UBE2D2: variants seen among roughly 807,000 people sequenced by gnomAD.
UBE2D2 encodes the protein ubiquitin-conjugating enzyme E2 D2.
In UBE2D2, 2 loss-of-function variants were observed where a neutral mutation model predicts 24.2. The ratio of observed to expected loss-of-function variants is 0.08; its 90% CI spans 0.03 to 0.26. The LOEUF is 0.26. Ranked by LOEUF, UBE2D2 falls within the 10% of genes least tolerant of loss-of-function variation. UBE2D2 has a pLI of 1.00. For synonymous variants in UBE2D2, 58 were observed against 56.5 expected, an observed-to-expected ratio of 1.03 and a Z score of -0.12; for missense variants, 44 against 177.6, an observed-to-expected ratio of 0.25 and a Z score of 4.28.
At chr5:139,566,943 A>G (rs1753237297) in intron 1 of UBE2D2, among the ~76,000 whole-genome samples, 1 of 152,012 alleles carries the variant, frequency 6.6e-6, no homozygotes, top group Non-Finnish European at 1.5e-5. Context: ...ACAACAAAAT[A>G]CGCATTTTTG....
In UBE2D2 at chr5:139,614,933, T is replaced by C; in HGVS notation, c.271T>C (p.Ser91Pro). The change falls in exon 5 of 7, where the codon TCA becomes CCA. Residue 91 changes from serine (S) to proline (P), a missense_variant. Physicochemically the swap from Ser to Pro is moderately conservative, Grantham distance 74 (BLOSUM62 -1). Transcript: ENST00000398733. Reference sequence around the variant, plus strand: ...CAGCATTTGTCTTGATATTCTACGATCACAGTGGTCTCCAGCACTAACTAT... The same window carrying C: ...CAGCATTTGTCTTGATATTCTACGACCACAGTGGTCTCCAGCACTAACTAT... ...NGSICLDILRSQWSPALTISK... is the reference protein window; with the variant it reads ...NGSICLDILRPQWSPALTISK... 6.2e-7 allele frequency: 1 copy of C among 1,614,004 alleles called. No individual in the cohort carries two copies. Among genetic ancestry groups the C allele is most frequent in the Non-Finnish European group, 8.5e-7 (1 of 1,179,958 alleles).
At chr5:139,552,410 C>T (rs1372575971) in intron 1 of UBE2D2, among the ~76,000 whole-genome samples, 1 of 152,044 alleles carries the variant, frequency 6.6e-6, no homozygotes, top group African/African-American at 2.4e-5. Flanking sequence ...TCAGGTGATC[C>T]ACCTGCCTCG....
chr5:139,536,783 C>A (rs1439876979), intron 1 of UBE2D2, among the ~76,000 whole-genome samples: 1 of 152,174 alleles, frequency 6.6e-6, no homozygotes, highest in Admixed American at 6.6e-5. Flanking sequence ...AGCCACCGCA[C>A]CCGGCCCACT....
At chr5:139,527,059 G>C (rs889082369) in intron 1 of UBE2D2, among the ~76,000 whole-genome samples, 5 of 152,002 alleles carry the variant, frequency 3.3e-5, no homozygotes, top group African/African-American at 1.2e-4. Context: ...TGGGAACTAT[G>C]TTAAAAAAAA....
intron 6 of UBE2D2, 86 bp from the exon 7 acceptor site, chr5:139,626,670 C>G: frequency 5.2e-6 from 6 of 1,146,778 alleles, no homozygotes; most frequent in Non-Finnish European, 6.6e-6. Context: ...CTACTCTCTT[C>G]AAGTTACTTG....
chr5:139,613,773 C>T (rs1270250499), intron 2 of UBE2D2, among the ~76,000 whole-genome samples: 2 of 152,028 alleles, frequency 1.3e-5, no homozygotes, highest in African/African-American at 4.8e-5. Flanking sequence ...ACTGTTTTGT[C>T]CCCCGTATAC....
At chr5:139,617,300 G>A (rs540167952) in intron 5 of UBE2D2, among the ~76,000 whole-genome samples, 99 of 151,434 alleles carry the variant, frequency 6.5e-4, no homozygotes, top group Non-Finnish European at 1.0e-3. Context: ...ACATATAAAA[G>A]TATGTTGAGT....
intron 1 of UBE2D2, among the ~76,000 whole-genome samples, chr5:139,595,257 C>T (rs1753935718): frequency 6.6e-6 from 1 of 152,026 alleles, no homozygotes; most frequent in Admixed American, 6.6e-5. Flanking sequence ...TAGATCGATG[C>T]CTTTATTAAA....
At chr5:139,534,250 T>C (rs555562498) in intron 1 of UBE2D2, among the ~76,000 whole-genome samples, 27 of 151,680 alleles carry the variant, frequency 1.8e-4, no homozygotes, top group African/African-American at 6.0e-4. Flanking sequence ...CTGACCAACA[T>C]GGAGAAAACC....
At chr5:139,544,159 T>C (rs1752794695) in intron 1 of UBE2D2, among the ~76,000 whole-genome samples, 1 of 143,140 alleles carries the variant, frequency 7.0e-6, no homozygotes, top group Non-Finnish European at 1.5e-5. Context: ...AGATCTTTTT[T>C]CTTTCTTTCT....
chr5:139,551,043 C>T (rs1398352623), intron 1 of UBE2D2, among the ~76,000 whole-genome samples: 1 of 152,104 alleles, frequency 6.6e-6, no homozygotes, highest in Non-Finnish European at 1.5e-5. Context: ...TCTTATTCTC[C>T]TTTTAGAATA....
chr5:139,609,781 T>G (rs1371102986), intron 2 of UBE2D2, among the ~76,000 whole-genome samples: 8 of 150,636 alleles, frequency 5.3e-5, no homozygotes, highest in East Asian at 3.9e-4. Context: ...GTTTTTTTGT[T>G]TTTTTTTTGA....
intron 1 of UBE2D2, among the ~76,000 whole-genome samples, chr5:139,531,675 T>A (rs1382393208): frequency 1.3e-5 from 2 of 148,758 alleles, no homozygotes; most frequent in African/African-American, 5.0e-5. Context: ...AAGAAAATAA[T>A]GCCTGGCTGG....
chr5:139,593,770 C>T (rs1753903177), intron 1 of UBE2D2, among the ~76,000 whole-genome samples: 1 of 152,068 alleles, frequency 6.6e-6, no homozygotes, highest in African/African-American at 2.4e-5. Context: ...CTCCACCATG[C>T]TGGGCTAATT....
rs1275449045 is a variant in UBE2D2 at position 139,627,536 on chromosome 5, G to GTT, written c.*739_*740dup. 1 of 152,384 alleles carries GTT rather than the reference G, an allele frequency of 6.6e-6. No homozygotes were observed. The highest frequency in any genetic ancestry group is 2.4e-5 in the African/African-American group (1 of 41,350). 9.4% of individuals were successfully genotyped at this position (152,384 alleles called of 1,614,324 possible). A position where few individuals can be genotyped will look rare whatever the true frequency, so the allele number is the denominator to read the frequency against. On this transcript the variant is annotated 3_prime_UTR_variant, in exon 7 of 7. Transcript: ENST00000398733. ...AGCTAATAGCTCTTATTTTTCTTAT[G>GTT]TTTTTAACCGCTTAGGTCTATTTGG...
upstream of UBE2D2, among the ~76,000 whole-genome samples, chr5:139,558,877 T>C (rs1753015284): frequency 6.6e-6 from 1 of 152,000 alleles, no homozygotes; most frequent in Non-Finnish European, 1.5e-5. Context: ...CACGGCTCAC[T>C]GCAGTTTTGA....
chr5:139,575,842 A>AC (rs1753457849), intron 1 of UBE2D2, among the ~76,000 whole-genome samples: 1 of 152,150 alleles, frequency 6.6e-6, no homozygotes, highest in South Asian at 2.1e-4. Context: ...ATTCAGCAAG[A>AC]CCCCTTCTCT....
At chr5:139,546,818 CTT>C (rs1752835450) in intron 1 of UBE2D2, among the ~76,000 whole-genome samples, 1 of 1,342 alleles carries the variant, frequency 7.5e-4, no homozygotes, top group African/African-American at 4.4e-3. Context: ...TTCTTTCTTT[CTT>C]CCTTCCTTCC....
chr5:139,559,907 T>C (rs183898874), upstream of UBE2D2, among the ~76,000 whole-genome samples: 23 of 152,272 alleles, frequency 1.5e-4, no homozygotes, highest in South Asian at 1.2e-3. Context: ...AGTCATGGTG[T>C]AGGGCTGGGC....
Sources: allele counts gnomAD v4.1 joint callset (sites outside exome capture counted in the v4.1 genomes callset), GRCh38; gene constraint gnomAD v4.1.1; transcripts MANE v1.5; gene names NCBI Gene and HGNC (gene_info 2026-07-23, HGNC 2026-07-21).